The following POU3F3 variants were observed in gnomAD, a reference collection of about 807,000 sequenced individuals.
POU3F3 encodes the protein POU domain, class 3, transcription factor 3.
POU3F3 carries 1 observed loss-of-function variant against 8.6 expected under a neutral mutation model. The observed-to-expected ratio is 0.12, with a 90% CI of 0.04 to 0.55. The LOEUF (loss-of-function observed/expected upper bound fraction) is 0.55, where lower values mean the gene tolerates loss of function less well. Ranked by LOEUF, POU3F3 falls within the 20% of genes least tolerant of loss-of-function variation. The pLI, the probability that POU3F3 is intolerant of heterozygous loss-of-function variation, is 0.91. For synonymous variants in POU3F3, 418 were observed against 327.4 expected, an observed-to-expected ratio of 1.28 and a Z score of -2.99; for missense variants, 577 against 690.7, an observed-to-expected ratio of 0.84 and a Z score of 1.84.
the POU3F3 span, among the ~76,000 whole-genome samples, chr2:104,922,404 A>G: frequency 7.3e-5 from 11 of 151,482 alleles, no homozygotes; most frequent in East Asian, 2.1e-3. Context: ...AAAAAAAAAA[A>G]AAAAAAAAGA....
At chr2:104,861,850 C>A (rs1366351210), downstream of POU3F3, among the ~76,000 whole-genome samples, 4 of 152,188 alleles carry the variant, frequency 2.6e-5, no homozygotes, top group African/African-American at 9.7e-5. Flanking sequence ...GGTCTGAGGG[C>A]CTGAAGTTCA....
chr2:104,920,171 C>T, the POU3F3 span, among the ~76,000 whole-genome samples: 12 of 152,296 alleles, frequency 7.9e-5, 1 homozygote, highest in African/African-American at 2.4e-4. Context: ...CATGCCATCA[C>T]GCCCAGCTAA....
At chr2:104,881,272 C>T in the POU3F3 span, among the ~76,000 whole-genome samples, 1 of 152,158 alleles carries the variant, frequency 6.6e-6, no homozygotes, top group African/African-American at 2.4e-5. Flanking sequence ...GTCCTCTTAC[C>T]TCCACCCCCT....
the POU3F3 span, among the ~76,000 whole-genome samples, chr2:104,886,849 G>A: frequency 3.3e-5 from 5 of 152,026 alleles, no homozygotes; most frequent in African/African-American, 9.7e-5. Context: ...CAGAGGTTGC[G>A]GTGAGCTGAG....
At chr2:104,891,605 G>A in the POU3F3 span, among the ~76,000 whole-genome samples, 192 of 152,150 alleles carry the variant, frequency 1.3e-3, 5 homozygotes, top group Non-Finnish European at 2.9e-4. Flanking sequence ...GAGGGGCTTC[G>A]GTGGCCAGTT....
chr2:104,905,020 G>A, the POU3F3 span, among the ~76,000 whole-genome samples: 1 of 152,244 alleles, frequency 6.6e-6, no homozygotes, highest in East Asian at 1.9e-4. Flanking sequence ...AACCCCATGG[G>A]TATTTAACCA....
the POU3F3 span, among the ~76,000 whole-genome samples, chr2:104,886,103 T>A: frequency 6.6e-6 from 1 of 152,184 alleles, no homozygotes; most frequent in African/African-American, 2.4e-5. Context: ...GGCCTGTTCC[T>A]TTACTTTCTT....
the POU3F3 span, among the ~76,000 whole-genome samples, chr2:104,927,369 G>A: frequency 1.3e-5 from 2 of 151,986 alleles, no homozygotes; most frequent in African/African-American, 4.8e-5. Context: ...TGAGAAGGCA[G>A]GGAGAAAGAA....
the POU3F3 span, chr2:104,866,050 C>T: frequency 2.0e-5 from 3 of 152,226 alleles, no homozygotes; most frequent in African/African-American, 7.2e-5. Flanking sequence ...GGCAAGTCTA[C>T]TGATTCTACT....
the POU3F3 span, among the ~76,000 whole-genome samples, chr2:104,864,003 C>T: frequency 1.3e-5 from 2 of 152,224 alleles, no homozygotes; most frequent in African/African-American, 2.4e-5. Flanking sequence ...GGGCAGCCCC[C>T]GGCGCTTGGC....
chr2:104,867,974 T>C, the POU3F3 span: 1 of 269,942 alleles, frequency 3.7e-6, no homozygotes, highest in Non-Finnish European at 7.4e-6. This position sits in a 1 kb window ranked among gnomAD's most constrained non-coding sequence, Gnocchi z 5.0. Flanking sequence ...CGGCGCCCCC[T>C]GCCACCATAG....
chr2:104,879,545 T>G, the POU3F3 span, among the ~76,000 whole-genome samples: 391 of 152,246 alleles, frequency 2.6e-3, 1 homozygote, highest in African/African-American at 8.8e-3. Flanking sequence ...CAGAAGTAAG[T>G]TGCATCCACA....
Position 104,856,287 on chromosome 2 carries a change from G to C in POU3F3, c.777G>C (p.Leu259=), listed in dbSNP as rs1254309849. 3.4e-6 allele frequency: 5 copies of C among 1,473,860 alleles called. No individual in the cohort carries two copies. The East Asian group carries it at 1.3e-4, about 38-fold the overall frequency. The allele number at this position is 1,473,860 out of a possible 1,614,324, so 91.3% of individuals were successfully genotyped here. A position where few individuals can be genotyped will look rare whatever the true frequency, so the allele number is the denominator to read the frequency against. Residue 259 remains leucine (L), a synonymous_variant, in exon 1 of 1, where the codon CTG becomes CTC. Coordinates refer to ENST00000361360, the MANE Select transcript of POU3F3 (RefSeq NM_006236.3). ...GGAQSLVHPG[L]VRGDTPELAE... ...CCCAGAGCTTGGTGCACCCGGGGCT[G>C]GTGCGCGGGGACACGCCAGAGCTGG... is the stretch of plus-strand genomic sequence containing the variant.
At chr2:104,875,403 G>A in the POU3F3 span, among the ~76,000 whole-genome samples, 1 of 152,070 alleles carries the variant, frequency 6.6e-6, no homozygotes, top group Admixed American at 6.6e-5. Flanking sequence ...GTTTTTTGAG[G>A]AACTTCCATA....
chr2:104,920,666 C>T, the POU3F3 span, among the ~76,000 whole-genome samples: 2 of 152,114 alleles, frequency 1.3e-5, no homozygotes, highest in Non-Finnish European at 2.9e-5. Flanking sequence ...AAACTGGCTT[C>T]CACCTTGAAG....
the POU3F3 span, among the ~76,000 whole-genome samples, chr2:104,897,137 G>T: frequency 6.6e-6 from 1 of 152,214 alleles, no homozygotes; most frequent in Non-Finnish European, 1.5e-5. Flanking sequence ...CAGATCAGGG[G>T]TGAGATGCCA....
rs1476070695 is a variant in POU3F3, at chr2:104,856,261, G to C, written c.751G>C (p.Ala251Pro). 2 of 1,403,770 alleles carry C rather than the reference G, an allele frequency of 1.4e-6. No homozygotes were observed. Among genetic ancestry groups the C allele is most frequent in the Non-Finnish European group, 1.8e-6 (2 of 1,090,510 alleles). 87.0% of individuals were successfully genotyped at this position (1,403,770 alleles called of 1,614,324 possible). A position where few individuals can be genotyped will look rare whatever the true frequency, so the allele number is the denominator to read the frequency against. The change falls in exon 1 of 1, where the codon GCC (alanine) becomes CCC (proline). Residue 251 changes from alanine to proline, a missense_variant. Transcript: ENST00000361360. ...GGGGGGAGGG[A>P]QSLVHPGLVR... ...CGGCGGCGGCGGCGCGGGCGGTGGAGCCCAGAGCTTGGTGCACCCGGGGCT... is the reference window on the plus strand; with the variant it reads ...CGGCGGCGGCGGCGCGGGCGGTGGACCCCAGAGCTTGGTGCACCCGGGGCT...
At chr2:104,901,261 T>C in the POU3F3 span, among the ~76,000 whole-genome samples, 2 of 152,288 alleles carry the variant, frequency 1.3e-5, no homozygotes, top group Admixed American at 1.3e-4. Context: ...ATCATAAAAG[T>C]CAATTAATCA....
At chr2:104,901,565 G>A in the POU3F3 span, among the ~76,000 whole-genome samples, 2 of 152,194 alleles carry the variant, frequency 1.3e-5, no homozygotes, top group South Asian at 2.1e-4. Flanking sequence ...TCTAGGTAAG[G>A]TGGAAACCAA....
Sources: allele counts gnomAD v4.1 joint callset (sites outside exome capture counted in the v4.1 genomes callset), GRCh38; gene constraint gnomAD v4.1.1; non-coding constraint Gnocchi (gnomAD v3.1); transcripts MANE v1.5; gene names NCBI Gene and HGNC (gene_info 2026-07-23, HGNC 2026-07-21).